The following KCNH1 variants were observed in gnomAD, a reference collection of about 807,000 sequenced individuals.
KCNH1 encodes potassium voltage-gated channel subfamily H member 1.
A neutral mutation model predicts 69.2 loss-of-function variants in KCNH1; 27 were observed. The observed-to-expected ratio is 0.39, with a 90% CI of 0.29 to 0.54. The LOEUF (loss-of-function observed/expected upper bound fraction) is 0.54, where lower values mean the gene tolerates loss of function less well. KCNH1 is among the 20% of genes least tolerant of loss of function. The pLI is 0.68. For missense variants in KCNH1, 798 were observed against 1,261.6 expected (o/e 0.63, Z 5.57); for synonymous variants, 456 against 487.7 (o/e 0.93, Z 0.86).
chr1:211,044,104 G>C lies in KCNH1; in HGVS notation c.559-24848C>G, dbSNP rs76888061. Among the ~76,000 whole-genome samples, 45 of 152,278 alleles carry C rather than the reference G, an allele frequency of 3.0e-4. No homozygotes were observed. The East Asian group carries it at 7.9e-3, about 27-fold the overall frequency. On this transcript the variant is annotated intron_variant, in intron 5 of 10. Transcript: ENST00000271751. ...AATCCTAGCCAGAGCGATTAGACAA[G>C]AGAAAGAAACAAAGGGCATCCAAAT...
At position 210,804,185 on chromosome 1, in the gene KCNH1, A is replaced by C. The variant is rs920065913; in HGVS notation, c.1463-19T>G. The C allele has an allele frequency of 3.1e-6, 5 of 1,588,710 alleles. No individual in the cohort carries two copies. In the South Asian group the frequency reaches 3.4e-5, roughly 11 times the overall value. ...AGAAGTGCTAGAGGTGAGGAGGAGG[A>C]GCAAAAGAAGAAATAACAAGTTAGT... is the stretch of plus-strand genomic sequence containing the variant. On this transcript the variant is annotated intron_variant, in intron 7 of 10. Transcript: ENST00000271751.
At chr1:210,686,425 C>T (rs927771280) in intron 10 of KCNH1, among the ~76,000 whole-genome samples, 2 of 152,184 alleles carry the variant, frequency 1.3e-5, no homozygotes, top group African/African-American at 4.8e-5. Flanking sequence ...CTCCAATGGC[C>T]CTTTCTATGG....
At chr1:211,071,706 T>C (rs1363512030) in intron 5 of KCNH1, among the ~76,000 whole-genome samples, 1 of 152,238 alleles carries the variant, frequency 6.6e-6, no homozygotes, top group East Asian at 1.9e-4. Flanking sequence ...ATGACATACC[T>C]AATTTTTTCA....
At chr1:211,045,093 G>GAAT (rs1690073439) in intron 5 of KCNH1, among the ~76,000 whole-genome samples, 1 of 116,940 alleles carries the variant, frequency 8.6e-6, no homozygotes, top group Admixed American at 9.6e-5. Flanking sequence ...CAATAAAAAG[G>GAAT]GAATGAATTA....
chr1:211,031,495 T>C (rs535730961), intron 5 of KCNH1, among the ~76,000 whole-genome samples: 20 of 152,246 alleles, frequency 1.3e-4, no homozygotes, highest in African/African-American at 4.3e-4. Flanking sequence ...AAATCCTCAA[T>C]AAAATACTGG....
Position 210,863,758 on chromosome 1 carries a change from T to C in KCNH1, c.1462+55882A>G, listed in dbSNP as rs551829801. Among the ~76,000 whole-genome samples, 11 of 152,322 alleles carry C rather than the reference T, an allele frequency of 7.2e-5. No homozygotes were observed. The East Asian group carries it at 2.1e-3, about 29-fold the overall frequency. On this transcript the variant is annotated intron_variant, in intron 7 of 10. Transcript: ENST00000271751. Reference sequence around the variant, plus strand: ...TTGCTGGTGTTCCCTCATGAAAGGCTGCAGCCAGAACTGTGTCCTTCCTTC... The same window carrying C: ...TTGCTGGTGTTCCCTCATGAAAGGCCGCAGCCAGAACTGTGTCCTTCCTTC...
chr1:210,784,290 A>C (rs1684050130), intron 9 of KCNH1, among the ~76,000 whole-genome samples: 1 of 152,234 alleles, frequency 6.6e-6, no homozygotes, highest in Middle Eastern at 3.2e-3. Context: ...GTAAAGGTAC[A>C]AAGCTCTGCT....
At chr1:211,129,736 G>A (rs1328269113) in intron 1 of KCNH1, among the ~76,000 whole-genome samples, 3 of 152,138 alleles carry the variant, frequency 2.0e-5, no homozygotes, top group East Asian at 3.8e-4. Context: ...ACACCCATGA[G>A]GAGACACAAC....
At chr1:210,807,729 G>A (rs929665067) in intron 7 of KCNH1, among the ~76,000 whole-genome samples, 1 of 152,156 alleles carries the variant, frequency 6.6e-6, no homozygotes, top group Non-Finnish European at 1.5e-5. Context: ...CTTCCAAGTT[G>A]TTGCATGTTT....
intron 7 of KCNH1, among the ~76,000 whole-genome samples, chr1:210,813,091 A>G (rs1684740695): frequency 6.6e-6 from 1 of 152,228 alleles, no homozygotes; most frequent in African/African-American, 2.4e-5. Flanking sequence ...CTGCGCTGGT[A>G]CATAGAGACT....
intron 5 of KCNH1, among the ~76,000 whole-genome samples, chr1:211,029,244 G>A (rs956761350): frequency 7.2e-6 from 1 of 138,528 alleles, no homozygotes; most frequent in Admixed American, 7.8e-5. Flanking sequence ...GAGGCAGGAG[G>A]ATCACTTGAG....
At chr1:210,694,360 CT>C (rs201043751) in intron 10 of KCNH1, among the ~76,000 whole-genome samples, 2 of 152,152 alleles carry the variant, frequency 1.3e-5, no homozygotes, top group African/African-American at 2.4e-5. Context: ...ACTCCCCCTG[CT>C]TTTTTTTCCC....
At chr1:210,711,405 A>C (rs1417705280) in intron 10 of KCNH1, among the ~76,000 whole-genome samples, 2 of 152,224 alleles carry the variant, frequency 1.3e-5, no homozygotes. Context: ...GCATTGGGCC[A>C]TCAGGGGAAG....
At chr1:210,865,064 T>C (rs1395500742) in intron 7 of KCNH1, among the ~76,000 whole-genome samples, 1 of 152,214 alleles carries the variant, frequency 6.6e-6, no homozygotes, top group Non-Finnish European at 1.5e-5. Flanking sequence ...ACTTCTGCCA[T>C]AGCCACAAGG....
intron 10 of KCNH1, among the ~76,000 whole-genome samples, chr1:210,752,738 T>C (rs1265643125): frequency 2.0e-5 from 3 of 152,110 alleles, no homozygotes; most frequent in East Asian, 1.9e-4. Context: ...GGTTAAATTA[T>C]GCCTCCTCAC....
chr1:211,073,508 T>C (rs1690682341), intron 5 of KCNH1, among the ~76,000 whole-genome samples: 1 of 152,136 alleles, frequency 6.6e-6, no homozygotes, highest in Non-Finnish European at 1.5e-5. Context: ...ATAGAAATCA[T>C]ACAATGTCTG....
At chr1:211,026,376 C>CAAAAAAA (rs34132386) in intron 5 of KCNH1, among the ~76,000 whole-genome samples, 4 of 72,672 alleles carry the variant, frequency 5.5e-5, no homozygotes, top group East Asian at 5.2e-4. Flanking sequence ...GGAGTATAGA[C>CAAAAAAA]AAAAAAAAAA....
At chr1:210,700,559 T>C (rs1252593745) in intron 10 of KCNH1, among the ~76,000 whole-genome samples, 1 of 152,256 alleles carries the variant, frequency 6.6e-6, no homozygotes, top group African/African-American at 2.4e-5. Flanking sequence ...GTCATCTCTC[T>C]GTATGTATTT....
At chr1:211,038,496 T>C (rs1170508381) in intron 5 of KCNH1, among the ~76,000 whole-genome samples, 3 of 151,696 alleles carry the variant, frequency 2.0e-5, no homozygotes, top group African/African-American at 2.4e-5. Flanking sequence ...CAGGCAGAGG[T>C]TGGAACAGTT....
Sources: allele counts gnomAD v4.1 joint callset (sites outside exome capture counted in the v4.1 genomes callset), GRCh38; gene constraint gnomAD v4.1.1; transcripts MANE v1.5; gene names NCBI Gene and HGNC (gene_info 2026-07-23, HGNC 2026-07-21).